The following MFSD11 variants were observed in gnomAD, a reference collection of about 807,000 sequenced individuals.
MFSD11 encodes UNC93-like protein MFSD11.
Under a neutral mutation model 53.5 loss-of-function variants are expected in MFSD11, and 36 were observed. The ratio of observed to expected loss-of-function variants is 0.67; its 90% CI spans 0.52 to 0.89. MFSD11 has a LOEUF of 0.89. Among genes scored for constraint, MFSD11 ranks in the 40% least tolerant of loss-of-function variants. The probability of loss-of-function intolerance (pLI) is 0.00; values close to 1 mark genes in which losing one functional copy is unlikely to be tolerated. For missense variants in MFSD11, 530 were observed against 543.9 expected, an observed-to-expected ratio of 0.97 and a Z score of 0.25; for synonymous variants, 186 against 184.9, an observed-to-expected ratio of 1.01 and a Z score of -0.05.
chr17:76,755,739 T>C (rs1159992062), intron 8 of MFSD11, among the ~76,000 whole-genome samples: 1 of 134,296 alleles, frequency 7.4e-6, no homozygotes, highest in Non-Finnish European at 1.6e-5. Context: ...TGTATATATA[T>C]GTATATATAT....
chr17:76,788,242 A>C, the MFSD11 span, among the ~76,000 whole-genome samples: 1 of 149,214 alleles, frequency 6.7e-6, no homozygotes, highest in Non-Finnish European at 1.5e-5. Flanking sequence ...GGGTGTTGCC[A>C]TGTTGTCCAG....
chr17:76,791,139 A>ATGATTT, the MFSD11 span, among the ~76,000 whole-genome samples: 1 of 148,402 alleles, frequency 6.7e-6, no homozygotes, highest in Non-Finnish European at 1.5e-5. Context: ...GCATTGGGCT[A>ATGATTT]TGATTTACTG....
chr17:76,761,982 A>C (rs2080299911), intron 8 of MFSD11, among the ~76,000 whole-genome samples: 1 of 152,040 alleles, frequency 6.6e-6, no homozygotes, highest in South Asian at 2.1e-4. Context: ...TAAAGAATCC[A>C]TTGCAAAGTC....
chr17:76,737,701 C>T (rs2077613389), upstream of MFSD11: 1 of 174,684 alleles, frequency 5.7e-6, no homozygotes, highest in African/African-American at 2.4e-5. Flanking sequence ...AGCCGTCAGC[C>T]CCGTCTCCGT....
At chr17:76,792,522 T>C in the MFSD11 span, among the ~76,000 whole-genome samples, 1 of 151,040 alleles carries the variant, frequency 6.6e-6, no homozygotes, top group Non-Finnish European at 1.5e-5. Flanking sequence ...CCCCATTTTA[T>C]AGATGAGAAA....
In MFSD11 at chr17:76,776,391, T is replaced by A. The variant is rs1355436498; in HGVS notation, c.1050-15T>A. On this transcript the variant is annotated splice_polypyrimidine_tract_variant and intron_variant, in intron 11 of 12. Transcript: ENST00000685175. The surrounding 1 kb of genome is among the most constrained non-coding windows in gnomAD (Gnocchi z 4.2). Reference sequence around the variant, plus strand: ...CAGATATTGCTCATACTAAATTGATTTTTATTTTCTTCAGCAAAGAAGTTG... The same window carrying A: ...CAGATATTGCTCATACTAAATTGATATTTATTTTCTTCAGCAAAGAAGTTG... 4 of 1,611,628 alleles carry A rather than the reference T, an allele frequency of 2.5e-6. No homozygotes were observed. Among genetic ancestry groups the A allele is most frequent in the Non-Finnish European group, 3.4e-6 (4 of 1,179,316 alleles).
rs367631488 is a variant in MFSD11 at position 76,770,727 on chromosome 17, TC to T, written c.874+858del. Among the ~76,000 whole-genome samples, 766 of 152,284 alleles carry T rather than the reference TC, an allele frequency of 5.0e-3. 5 individuals are homozygous for T. Among genetic ancestry groups the T allele is most frequent in the African/African-American group, 0.018 (738 of 41,566 alleles). ...ACTCACAGAACTCAGGAAAATGCTC[TC>T]CTGACTATTAGAGTTTATTATAAAG... On this transcript the variant is annotated intron_variant, in intron 10 of 12. Transcript: ENST00000685175.
chr17:76,758,556 A>C (rs675916), intron 8 of MFSD11, among the ~76,000 whole-genome samples: 1 of 143,934 alleles, frequency 6.9e-6, no homozygotes. Flanking sequence ...GCACTCCAGC[A>C]TGGGCACAGA....
At chr17:76,739,200 T>A (rs1237072063) in intron 2 of MFSD11, among the ~76,000 whole-genome samples, 1 of 152,232 alleles carries the variant, frequency 6.6e-6, no homozygotes, top group Admixed American at 6.5e-5. Flanking sequence ...ATCCTGACTC[T>A]ACAAGGTATT....
chr17:76,758,359 GA>G (rs1364566267), intron 8 of MFSD11, among the ~76,000 whole-genome samples: 3 of 152,030 alleles, frequency 2.0e-5, no homozygotes, highest in African/African-American at 7.2e-5. Context: ...GTGATGGGGG[GA>G]TTGCTTGAGC....
upstream of MFSD11, chr17:76,736,692 G>T: frequency 7.8e-7 from 1 of 1,289,724 alleles, no homozygotes; most frequent in Non-Finnish European, 9.9e-7. Context: ...GTGCACCCCC[G>T]CCCCGTCCGG....
At position 76,741,079 on chromosome 17, in the gene MFSD11, C is replaced by CT. The variant is rs1004741320; in HGVS notation, c.260+17dup. 2.1e-6 allele frequency: 3 copies of CT among 1,403,930 alleles called. No individual in the cohort carries two copies. Among genetic ancestry groups the CT allele is most frequent in the Non-Finnish European group, 3.0e-6 (3 of 990,260 alleles). 87.0% of individuals were successfully genotyped at this position (1,403,930 alleles called of 1,614,324 possible). A position where few individuals can be genotyped will look rare whatever the true frequency, so the allele number is the denominator to read the frequency against. On this transcript the variant is annotated intron_variant, in intron 3 of 12. Transcript: ENST00000685175. The stretch of plus-strand genomic sequence containing the variant: ...TTATTTTACAGGTAAGTAGTGTAAT[C>CT]TTGCACTTATTTAATCAGAACACTT...
chr17:76,782,653 A>AT (rs1469218826), downstream of MFSD11, among the ~76,000 whole-genome samples: 2 of 145,574 alleles, frequency 1.4e-5, no homozygotes, highest in African/African-American at 5.1e-5. Flanking sequence ...TAATTTTTGT[A>AT]TTTTTTAGTA....
intron 7 of MFSD11, among the ~76,000 whole-genome samples, chr17:76,752,397 A>AT (rs201402482): frequency 0.03 from 4,111 of 138,498 alleles, 162 homozygotes; most frequent in African/African-American, 0.093. Context: ...AAAGTCAGGG[A>AT]TTTTTTTTTT....
intron 1 of MFSD11, 45 bp downstream of exon 1, chr17:76,738,493 T>G (rs779906071): frequency 1.4e-6 from 2 of 1,381,570 alleles, no homozygotes; most frequent in East Asian, 4.6e-5. Flanking sequence ...CCCATCATAA[T>G]GCAGTCCAGA....
chr17:76,752,641 C>T (rs1346170592), intron 7 of MFSD11, among the ~76,000 whole-genome samples: 3 of 152,078 alleles, frequency 2.0e-5, no homozygotes, highest in Non-Finnish European at 4.4e-5. Flanking sequence ...AGTGATCAGC[C>T]TGCCTTGGCC....
At chr17:76,739,315 T>TAG (rs2077819433) in intron 2 of MFSD11, among the ~76,000 whole-genome samples, 2 of 152,260 alleles carry the variant, frequency 1.3e-5, no homozygotes, top group Non-Finnish European at 2.9e-5. Flanking sequence ...ATAAGCACTC[T>TAG]AGTATTGTCA....
chr17:76,757,178 C>T (rs1007358822), intron 8 of MFSD11, among the ~76,000 whole-genome samples: 7 of 152,160 alleles, frequency 4.6e-5, no homozygotes, highest in African/African-American at 1.7e-4. Flanking sequence ...GGACATCTCA[C>T]CTAGACAGTT....
chr17:76,784,274 G>T (rs1158866846), downstream of MFSD11, among the ~76,000 whole-genome samples: 1 of 152,176 alleles, frequency 6.6e-6, no homozygotes, highest in Non-Finnish European at 1.5e-5. Flanking sequence ...AGTGGCTCAA[G>T]CCTGTAATCC....
Sources: allele counts gnomAD v4.1 joint callset (sites outside exome capture counted in the v4.1 genomes callset), GRCh38; gene constraint gnomAD v4.1.1; non-coding constraint Gnocchi (gnomAD v3.1); transcripts MANE v1.5; gene names NCBI Gene and HGNC (gene_info 2026-07-23, HGNC 2026-07-21).